The following LEMD3 variants were observed in gnomAD, a reference collection of about 807,000 sequenced individuals.
The protein encoded by LEMD3 is inner nuclear membrane protein Man1.
A neutral mutation model predicts 95.2 loss-of-function variants in LEMD3; 33 were observed. The ratio of observed to expected loss-of-function variants is 0.35; its 90% CI spans 0.26 to 0.46. The LOEUF (loss-of-function observed/expected upper bound fraction) is 0.46. Ranked by LOEUF, LEMD3 falls within the 20% of genes least tolerant of loss-of-function variation. The pLI, the probability that LEMD3 is intolerant of heterozygous loss-of-function variation, is 1.00. For synonymous variants in LEMD3, 525 were observed against 474.6 expected, an observed-to-expected ratio of 1.11 and a Z score of -1.38; for missense variants, 1,210 against 1,192.8, an observed-to-expected ratio of 1.01 and a Z score of -0.21.
In LEMD3 at chr12:65,242,061, A is replaced by G. The variant is rs530603289; in HGVS notation, c.2305+974A>G. Among the ~76,000 whole-genome samples, 13 of 152,286 alleles carry G rather than the reference A, an allele frequency of 8.5e-5. No homozygotes were observed. The South Asian group carries it at 1.7e-3, about 19-fold the overall frequency. Reference sequence around the variant, plus strand: ...AAAAAATGATGCTTTCATGTTGCCAATGATTATACTATTTCCTCTAAATGA... The same window carrying G: ...AAAAAATGATGCTTTCATGTTGCCAGTGATTATACTATTTCCTCTAAATGA... On this transcript the variant is annotated intron_variant, in intron 9 of 12. Transcript: ENST00000308330.
chr12:65,216,251 A>T (rs528201561), intron 3 of LEMD3, among the ~76,000 whole-genome samples: 48 of 151,082 alleles, frequency 3.2e-4, no homozygotes, highest in African/African-American at 1.0e-3. Flanking sequence ...TATTAGAGGT[A>T]ATATATATAT....
At chr12:65,206,747 A>G (rs74101729) in intron 1 of LEMD3, among the ~76,000 whole-genome samples, 5,700 of 151,952 alleles carry the variant, frequency 0.038, 349 homozygotes, top group African/African-American at 0.13. Flanking sequence ...TTTGAAGAGA[A>G]TTTTTTTCCT....
chr12:65,206,591 G>C (rs183994443), intron 1 of LEMD3, among the ~76,000 whole-genome samples: 4 of 152,176 alleles, frequency 2.6e-5, no homozygotes, highest in Non-Finnish European at 5.9e-5. Flanking sequence ...ATGCCATGTG[G>C]TACACTCTAT....
At chr12:65,202,878 T>C (rs1592442689) in intron 1 of LEMD3, among the ~76,000 whole-genome samples, 1 of 152,140 alleles carries the variant, frequency 6.6e-6, no homozygotes, top group South Asian at 2.1e-4. Flanking sequence ...TTAATATCCA[T>C]GGGATCCATA....
chr12:65,212,262 C>T (rs896863319), intron 2 of LEMD3, among the ~76,000 whole-genome samples: 4 of 152,138 alleles, frequency 2.6e-5, no homozygotes, highest in African/African-American at 2.4e-5. Context: ...TCCCACAACA[C>T]GTGGGGATTA....
intron 4 of LEMD3, among the ~76,000 whole-genome samples, chr12:65,221,978 C>T (rs1231022935): frequency 6.6e-6 from 1 of 151,688 alleles, no homozygotes; most frequent in Non-Finnish European, 1.5e-5. Context: ...CCTGACCTCA[C>T]GTGATCCACC....
intron 1 of LEMD3, among the ~76,000 whole-genome samples, chr12:65,200,569 T>C (rs1455592543): frequency 6.6e-6 from 1 of 152,200 alleles, no homozygotes; most frequent in Non-Finnish European, 1.5e-5. Flanking sequence ...TATCTCATTA[T>C]TTTAATTTGC....
chr12:65,242,393 A>T (rs924729941), intron 9 of LEMD3, among the ~76,000 whole-genome samples: 3 of 152,080 alleles, frequency 2.0e-5, no homozygotes, highest in Admixed American at 6.6e-5. Flanking sequence ...TAACTCCCAA[A>T]TTTTTTATTT....
At position 65,169,634 on chromosome 12, in the gene LEMD3, C is replaced by A; in HGVS notation, c.38C>A (p.Ser13Ter). ...AAAASAPQQL[S>*]DEELFSQLRR... The stretch of plus-strand genomic sequence containing the variant: ...GCAGCTTCGGCGCCTCAGCAGCTCT[C>A]GGATGAGGAGCTTTTCTCTCAGCTC... Residue 13 changes from serine (S) to a stop codon, truncating the protein, a stop_gained, in exon 1 of 13, where the codon TCG becomes TAG. Transcript: ENST00000308330. LOFTEE classifies it high-confidence loss of function. The A allele has an allele frequency of 6.3e-7, 1 of 1,589,528 alleles. No individual in the cohort carries two copies.
chr12:65,183,588 A>G (rs1868971339), intron 1 of LEMD3, among the ~76,000 whole-genome samples: 1 of 152,168 alleles, frequency 6.6e-6, no homozygotes, highest in African/African-American at 2.4e-5. Flanking sequence ...GGAGATATTA[A>G]TTTGTCTAAG....
At position 65,169,839 on chromosome 12, in the gene LEMD3, A is replaced by AGCG. The variant is rs911019879; in HGVS notation, c.255_257dup (p.Ala87dup). 27 of 1,463,938 alleles carry AGCG rather than the reference A, an allele frequency of 1.8e-5. No individual in the cohort carries two copies. The highest frequency in any genetic ancestry group is 4.3e-5 in the African/African-American group (3 of 69,396). The allele number at this position is 1,463,938 out of a possible 1,614,324, so 90.7% of individuals were successfully genotyped here. A position where few individuals can be genotyped will look rare whatever the true frequency, so the allele number is the denominator to read the frequency against. ...CCGCCACGGTCGCAGCCGCGGGACC[A>AGCG]GCGGCGGCGGCGGCCGCGGGGATGG... On this transcript the variant is annotated inframe_insertion, in exon 1 of 13. Coordinates refer to ENST00000308330, the MANE Select transcript of LEMD3 (RefSeq NM_014319.5).
chr12:65,214,016 G>A (rs1392632486), intron 2 of LEMD3, among the ~76,000 whole-genome samples: 2 of 152,134 alleles, frequency 1.3e-5, no homozygotes, highest in Non-Finnish European at 2.9e-5. Context: ...AAATGATTTT[G>A]TGGTTTAATG....
At chr12:65,175,089 TAATG>T (rs1868673337) in intron 1 of LEMD3, among the ~76,000 whole-genome samples, 1 of 152,014 alleles carries the variant, frequency 6.6e-6, no homozygotes, top group African/African-American at 2.4e-5. Context: ...TGCTGGGACA[TAATG>T]AATGAAGGGG....
intron 1 of LEMD3, among the ~76,000 whole-genome samples, chr12:65,202,789 T>A (rs188238857): frequency 6.6e-6 from 1 of 152,314 alleles, no homozygotes; most frequent in Admixed American, 6.5e-5. Flanking sequence ...GATTGTGTCT[T>A]TCGAGGAATT....
intron 1 of LEMD3, among the ~76,000 whole-genome samples, chr12:65,194,213 C>A (rs958191727): frequency 6.6e-6 from 1 of 152,140 alleles, no homozygotes. Context: ...CTTGTACATA[C>A]AAAAAGTTAG....
At chr12:65,180,420 T>G (rs12306477) in intron 1 of LEMD3, among the ~76,000 whole-genome samples, 5,621 of 150,320 alleles carry the variant, frequency 0.037, 345 homozygotes, top group African/African-American at 0.13. Context: ...AACAAGAGTT[T>G]ACCAGGAAGA....
intron 1 of LEMD3, among the ~76,000 whole-genome samples, chr12:65,175,162 C>T (rs1275697453): frequency 1.3e-5 from 2 of 152,126 alleles, no homozygotes; most frequent in Non-Finnish European, 2.9e-5. Context: ...GACCTAAACG[C>T]CTTGAGGGCC....
At chr12:65,191,933 A>C (rs2136324821) in intron 1 of LEMD3, among the ~76,000 whole-genome samples, 1 of 151,670 alleles carries the variant, frequency 6.6e-6, no homozygotes, top group Admixed American at 6.6e-5. Context: ...TCAAAAAAAA[A>C]AAAAAAAAAA....
intron 2 of LEMD3, among the ~76,000 whole-genome samples, chr12:65,214,018 G>T (rs1163583188): frequency 2.0e-5 from 3 of 152,108 alleles, no homozygotes; most frequent in Non-Finnish European, 4.4e-5. Flanking sequence ...ATGATTTTGT[G>T]GTTTAATGTA....
Sources: gnomAD v4.1 joint callset for allele counts (sites outside exome capture counted in the v4.1 genomes callset) on GRCh38, gnomAD v4.1.1 for gene constraint, MANE v1.5 for transcripts, NCBI Gene and HGNC (gene_info 2026-07-23, HGNC 2026-07-21) for gene names.